Variants in CNTN3 observed in about 807,000 individuals in gnomAD.
CNTN3 encodes contactin 3.
Under a neutral mutation model 119.1 loss-of-function variants are expected in CNTN3, and 60 were observed. The observed-to-expected ratio is 0.50, with a 90% confidence interval of 0.41 to 0.62. The LOEUF is 0.62. CNTN3 is among the 20% of genes least tolerant of loss of function. CNTN3 has a pLI of 0.00. For missense variants in CNTN3, 1,101 were observed against 1,242.4 expected, an observed-to-expected ratio of 0.89 and a Z score of 1.71; for synonymous variants, 450 against 438.7, an observed-to-expected ratio of 1.03 and a Z score of -0.32.
intron 5 of CNTN3, among the ~76,000 whole-genome samples, chr3:74,413,789 C>T (rs543606284): frequency 6.6e-6 from 1 of 152,196 alleles, no homozygotes; most frequent in East Asian, 1.9e-4. Context: ...TTTCAAAGTC[C>T]AACTTGCTCA....
chr3:74,559,084 A>G (rs184822137), intron 1 of CNTN3, among the ~76,000 whole-genome samples: 10 of 151,990 alleles, frequency 6.6e-5, no homozygotes, highest in Admixed American at 2.0e-4. Context: ...AGCTCAATAA[A>G]GATTAGCTAT....
Position 74,543,486 on chromosome 3 carries a change from G to A in CNTN3, c.-80-22294C>T, listed in dbSNP as rs77147929. ...TACTCTTAGATCCAAAATGGAGAAA[G>A]ATGAAAATACAGATTAATAGGAAAC... On this transcript the variant is annotated intron_variant, in intron 1 of 22. Transcript: ENST00000263665. Among the ~76,000 whole-genome samples the A allele has an allele frequency of 3.8e-3, 577 of 152,164 alleles. 6 individuals are homozygous for A. The highest frequency in any genetic ancestry group is 0.014 in the African/African-American group (561 of 41,494).
At chr3:74,525,384 C>T (rs930852602) in intron 1 of CNTN3, among the ~76,000 whole-genome samples, 5 of 151,704 alleles carry the variant, frequency 3.3e-5, no homozygotes, top group East Asian at 1.9e-4. Flanking sequence ...TAAAGTAGGA[C>T]ATTGGCTTTA....
intron 1 of CNTN3, among the ~76,000 whole-genome samples, chr3:74,589,245 C>T (rs1325559031): frequency 6.6e-6 from 1 of 151,972 alleles, no homozygotes; most frequent in Non-Finnish European, 1.5e-5. Context: ...ACAATGAACT[C>T]AAACCAATTT....
chr3:74,407,909 C>A (rs958244597), intron 5 of CNTN3, among the ~76,000 whole-genome samples: 1 of 152,136 alleles, frequency 6.6e-6, no homozygotes, highest in African/African-American at 2.4e-5. Flanking sequence ...GTTCTCTCTC[C>A]TGTATGATAG....
intron 20 of CNTN3, among the ~76,000 whole-genome samples, chr3:74,271,420 T>C (rs781437366): frequency 1.2e-4 from 19 of 152,146 alleles, no homozygotes; most frequent in Non-Finnish European, 1.8e-4. Flanking sequence ...ATAGACTTTT[T>C]CCCCCAAATT....
At chr3:74,308,994 G>C (rs1702623208) in intron 13 of CNTN3, among the ~76,000 whole-genome samples, 1 of 152,116 alleles carries the variant, frequency 6.6e-6, no homozygotes. Flanking sequence ...CACTGTCAAA[G>C]TCCCTGAGCC....
chr3:74,595,039 G>A lies in CNTN3; in HGVS notation c.-81+19352C>T, dbSNP rs536033397. 9.7e-3 allele frequency among the ~76,000 whole-genome samples: 1,468 copies of A among 152,066 alleles called. 26 individuals are homozygous for A. The highest frequency in any genetic ancestry group is 0.033 in the African/African-American group (1,353 of 41,458). On this transcript the variant is annotated intron_variant, in intron 1 of 22. Coordinates refer to ENST00000263665, the MANE Select transcript of CNTN3 (RefSeq NM_020872.3). ...TTGTGGTTTTGATTTGCATTTCTCT[G>A]ATGGCCAGTGATGATGAGCATTTTT...
chr3:74,264,500 A>G lies in CNTN3; in HGVS notation c.2988T>C (p.Ser996=), dbSNP rs1213212168. The G allele has an allele frequency of 6.2e-7, 1 of 1,602,014 alleles. No homozygotes were observed. The part of the protein sequence containing the change: ...SEQIRIPRIT[S]MDARGSTSAI... The stretch of plus-strand genomic sequence containing the variant: ...CTGAAGTGGATCCTCTTGCATCCAT[A>G]CCTGTCAAAGTTGATGAAGAGCTCA... The change falls in exon 23 of 23, where the codon AGT becomes AGC. Residue 996 remains serine, a splice_region_variant and synonymous_variant. Coordinates refer to ENST00000263665, the MANE Select transcript of CNTN3 (RefSeq NM_020872.3).
intron 5 of CNTN3, among the ~76,000 whole-genome samples, chr3:74,389,832 C>G (rs538689206): frequency 6.6e-6 from 1 of 152,218 alleles, no homozygotes; most frequent in Non-Finnish European, 1.5e-5. Flanking sequence ...AAGCTCTATT[C>G]CATATGCCAA....
intron 1 of CNTN3, among the ~76,000 whole-genome samples, chr3:74,571,855 G>C (rs1456882341): frequency 6.6e-6 from 1 of 152,034 alleles, no homozygotes; most frequent in African/African-American, 2.4e-5. Context: ...TCCAACTACT[G>C]GTTACCTAAG....
At position 74,331,468 on chromosome 3, in the gene CNTN3, C is replaced by A. The variant is rs573483276; in HGVS notation, c.1668+3267G>T. 1.9e-4 allele frequency among the ~76,000 whole-genome samples: 29 copies of A among 152,138 alleles called. No individual in the cohort carries two copies. In the South Asian group the frequency reaches 6.0e-3, roughly 32 times the overall value. On this transcript the variant is annotated intron_variant, in intron 13 of 22. Coordinates refer to ENST00000263665, the MANE Select transcript of CNTN3 (RefSeq NM_020872.3). The stretch of plus-strand genomic sequence containing the variant: ...AGTAACACATTTCTCAGAATGTATC[C>A]CCATCGTTAAGCAACATGTGACTGT...
chr3:74,435,693 C>T (rs564205042), intron 4 of CNTN3, among the ~76,000 whole-genome samples: 4 of 152,268 alleles, frequency 2.6e-5, no homozygotes, highest in African/African-American at 7.2e-5. Flanking sequence ...TTATTTTTCA[C>T]AAAATTTCTA....
intron 5 of CNTN3, among the ~76,000 whole-genome samples, chr3:74,393,383 C>T (rs1704964023): frequency 6.6e-6 from 1 of 152,210 alleles, no homozygotes; most frequent in African/African-American, 2.4e-5. Flanking sequence ...GTGCTGCTAT[C>T]TCATAATTTT....
chr3:74,339,917 AGATAGATAG>A (rs1703492484), intron 11 of CNTN3, among the ~76,000 whole-genome samples: 1 of 151,696 alleles, frequency 6.6e-6, no homozygotes, highest in Admixed American at 6.6e-5. Flanking sequence ...ATAGATAGAT[AGATAGATAG>A]ATAGATAGAT....
intron 2 of CNTN3, among the ~76,000 whole-genome samples, chr3:74,513,912 T>G (rs1703409862): frequency 6.6e-6 from 1 of 151,750 alleles, no homozygotes; most frequent in Admixed American, 6.6e-5. Flanking sequence ...CAAGCAGAAG[T>G]TGGAAACACA....
intron 13 of CNTN3, among the ~76,000 whole-genome samples, chr3:74,308,739 G>C (rs1197610410): frequency 3.3e-5 from 5 of 151,988 alleles, no homozygotes; most frequent in African/African-American, 4.8e-5. Flanking sequence ...TAAATCATTA[G>C]AGTCACGTCT....
At chr3:74,415,744 A>C (rs963103518) in intron 5 of CNTN3, among the ~76,000 whole-genome samples, 4 of 152,164 alleles carry the variant, frequency 2.6e-5, no homozygotes, top group Non-Finnish European at 5.9e-5. Flanking sequence ...TTCGTCCTTA[A>C]TCTCTGCCCC....
At chr3:74,490,387 T>C (rs1702940835) in intron 3 of CNTN3, among the ~76,000 whole-genome samples, 1 of 152,194 alleles carries the variant, frequency 6.6e-6, no homozygotes, top group South Asian at 2.1e-4. Flanking sequence ...AAAACACTTT[T>C]TAGCTCAGGA....
Sources: gnomAD v4.1 joint callset for allele counts (sites outside exome capture counted in the v4.1 genomes callset) on GRCh38, gnomAD v4.1.1 for gene constraint, MANE v1.5 for transcripts, NCBI Gene and HGNC (gene_info 2026-07-23, HGNC 2026-07-21) for gene names.